The following GRK4 variants were observed in gnomAD, a reference collection of about 807,000 sequenced individuals.
The protein encoded by GRK4 is G protein-coupled receptor kinase 2-like.
A neutral mutation model predicts 77.9 loss-of-function variants in GRK4; 73 were observed. That is an observed-to-expected ratio of 0.94 (90% CI 0.78 to 1.14). The LOEUF is 1.14. Among genes scored for constraint, GRK4 ranks in the 50% most tolerant of loss-of-function variants. GRK4 has a pLI of 0.00. For missense variants in GRK4, 729 were observed against 700.2 expected, an observed-to-expected ratio of 1.04 and a Z score of -0.46; for synonymous variants, 257 against 254.4, an observed-to-expected ratio of 1.01 and a Z score of -0.10.
At chr4:3,016,751 C>A (rs79931086) in intron 8 of GRK4, among the ~76,000 whole-genome samples, 2,942 of 151,784 alleles carry the variant, frequency 0.019, 97 homozygotes, top group African/African-American at 0.067. Context: ...ACAAAAAAAA[C>A]CCCCGTGTAA....
At chr4:3,023,475 TG>T (rs973743311) in intron 10 of GRK4, among the ~76,000 whole-genome samples, 199 of 152,316 alleles carry the variant, frequency 1.3e-3, no homozygotes, top group African/African-American at 4.7e-3. Flanking sequence ...AGGGCAGTCG[TG>T]GGGGACTTGG....
At chr4:3,013,983 G>T (rs1455678120) in intron 8 of GRK4, among the ~76,000 whole-genome samples, 155 bp downstream of exon 8, 1 of 152,108 alleles carries the variant, frequency 6.6e-6, no homozygotes, top group Non-Finnish European at 1.5e-5. Context: ...TAACAGTTTT[G>T]TTTTTAGTAA....
chr4:2,999,307 C>T (rs10001308), intron 4 of GRK4, among the ~76,000 whole-genome samples: 2,175 of 152,124 alleles, frequency 0.014, 62 homozygotes, highest in African/African-American at 0.05. Flanking sequence ...GCCGCAATGC[C>T]GCAACAATAA....
chr4:3,028,600 G>A (rs762903862), intron 11 of GRK4, among the ~76,000 whole-genome samples: 56 of 152,352 alleles, frequency 3.7e-4, no homozygotes, highest in Admixed American at 1.1e-3. Context: ...CCTTGTGAAT[G>A]TGACTCTGTG....
chr4:2,963,997 C>G lies in GRK4; in HGVS notation c.-74C>G. On this transcript the variant is annotated 5_prime_UTR_variant, in exon 1 of 16. Coordinates refer to ENST00000398052, the MANE Select transcript of GRK4 (RefSeq NM_182982.3). ...CCCGGCGAGCTATGCACGGGGGCGG[C>G]GGCGTCTCCTCCTGTTCCGCCTCCT... 1 of 1,346,548 alleles carries G rather than the reference C, an allele frequency of 7.4e-7. No individual in the cohort carries two copies. The highest frequency in any genetic ancestry group is 1.0e-6 in the Non-Finnish European group (1 of 953,886). 83.4% of individuals were successfully genotyped at this position (1,346,548 alleles called of 1,614,324 possible).
At chr4:2,996,947 C>CGGTG (rs1560410938) in intron 4 of GRK4, among the ~76,000 whole-genome samples, 1 of 152,008 alleles carries the variant, frequency 6.6e-6, no homozygotes, top group East Asian at 1.9e-4. Context: ...AGGCTAGGTG[C>CGGTG]GGTGGCTCAT....
chr4:2,970,939 G>A (rs909011958), intron 1 of GRK4: 10 of 152,056 alleles, frequency 6.6e-5, no homozygotes, highest in African/African-American at 2.2e-4. Flanking sequence ...CAAAGTGCTG[G>A]GATTACAGGT....
chr4:3,015,101 G>A (rs1003797446), intron 8 of GRK4, among the ~76,000 whole-genome samples: 1 of 152,174 alleles, frequency 6.6e-6, no homozygotes, highest in African/African-American at 2.4e-5. Flanking sequence ...AGAACATTGG[G>A]CGGACTGGTA....
At position 2,988,750 on chromosome 4, in the gene GRK4, G is replaced by T. The variant is rs1272334386; in HGVS notation, c.172G>T (p.Asp58Tyr). Residue 58 changes from aspartate (D) to tyrosine (Y), a missense_variant, in exon 3 of 16, where the codon GAC (aspartate) becomes TAC (tyrosine). Physicochemically the swap from Asp to Tyr is radical, Grantham distance 160. Transcript: ENST00000398052. ...AGAAAAGGATTATAGCAGTCTTTGT[G>T]ACAAGCAACCGATAGGAAGACGTCT... ...SIEKDYSSLCDKQPIGRRLFR... is the reference protein window; with the variant it reads ...SIEKDYSSLCYKQPIGRRLFR... The T allele has an allele frequency of 1.2e-6, 2 of 1,611,138 alleles. No homozygotes were observed. The highest frequency in any genetic ancestry group is 2.2e-5 in the South Asian group (2 of 91,028).
rs561687907 is a variant in GRK4 at position 3,008,046 on chromosome 4, A to G, written c.536+218A>G. Among the ~76,000 whole-genome samples, 250 of 152,372 alleles carry G rather than the reference A, an allele frequency of 1.6e-3. 1 individual carries two copies. The highest frequency in any genetic ancestry group is 3.7e-3 in the South Asian group (18 of 4,830). Reference sequence around the variant, plus strand: ...ACAGAAAAAAAGAAAAGAGACCTCAATAAAAGAAGTGTTAACTTCTCACAA... The same window carrying G: ...ACAGAAAAAAAGAAAAGAGACCTCAGTAAAAGAAGTGTTAACTTCTCACAA... On this transcript the variant is annotated intron_variant, in intron 6 of 15. Coordinates refer to ENST00000398052, the MANE Select transcript of GRK4 (RefSeq NM_182982.3).
In GRK4 at chr4:3,037,388, C is replaced by T; in HGVS notation, c.1422C>T (p.Tyr474=). Residue 474 remains tyrosine (Y), a synonymous_variant, in exon 14 of 16, where the codon TAC becomes TAT. Coordinates refer to ENST00000398052, the MANE Select transcript of GRK4 (RefSeq NM_182982.3). ...TTGCTACACAGCCTCATGCCGTTTA[C>T]TGTAAGGACGTCCTGGATATCGAGC... ...PPFCPDPHAV[Y]CKDVLDIEQF... is the part of the protein sequence containing the mutation. 6.2e-7 allele frequency: 1 copy of T among 1,604,850 alleles called. No homozygotes were observed. Among genetic ancestry groups the T allele is most frequent in the Non-Finnish European group, 8.5e-7 (1 of 1,172,596 alleles).
chr4:2,968,367 G>T (rs559503424), intron 1 of GRK4, among the ~76,000 whole-genome samples: 1 of 152,240 alleles, frequency 6.6e-6, no homozygotes, highest in African/African-American at 2.4e-5. Flanking sequence ...CCTGCAGCAT[G>T]GTTAATATAC....
At chr4:2,974,078 G>A (rs565693713) in intron 1 of GRK4, among the ~76,000 whole-genome samples, 1 of 152,212 alleles carries the variant, frequency 6.6e-6, no homozygotes, top group Admixed American at 6.5e-5. Flanking sequence ...TCGGACTCCC[G>A]GGCTCAAGCG....
At chr4:3,035,231 C>T (rs574866588) in intron 12 of GRK4, among the ~76,000 whole-genome samples, 155 bp from the exon 13 acceptor site, 4 of 151,780 alleles carry the variant, frequency 2.6e-5, no homozygotes, top group South Asian at 2.1e-4. Context: ...GGTGACAGAA[C>T]GAGACTCCAT....
chr4:3,002,687 A>AAC (rs1445283865), intron 4 of GRK4, among the ~76,000 whole-genome samples: 2 of 152,032 alleles, frequency 1.3e-5, no homozygotes, highest in African/African-American at 4.8e-5. Context: ...TGGACCACAG[A>AAC]ACAAGACTCC....
At chr4:2,982,966 G>A (rs1321778458) in intron 1 of GRK4, among the ~76,000 whole-genome samples, 8 of 152,184 alleles carry the variant, frequency 5.3e-5, no homozygotes, top group Non-Finnish European at 1.5e-5. Context: ...GGATTTGAGG[G>A]GGAAGATTAT....
chr4:2,973,613 G>A (rs1720227608), intron 1 of GRK4, among the ~76,000 whole-genome samples: 1 of 152,090 alleles, frequency 6.6e-6, no homozygotes, highest in Non-Finnish European at 1.5e-5. Flanking sequence ...TCAATCCTTG[G>A]ACAGAGTGTT....
At chr4:2,973,786 A>G (rs1194396730) in intron 1 of GRK4, among the ~76,000 whole-genome samples, 2 of 152,092 alleles carry the variant, frequency 1.3e-5, no homozygotes, top group Admixed American at 6.5e-5. Flanking sequence ...TGGTCCTATT[A>G]AAATTTAAGC....
At chr4:2,989,781 G>A (rs116283171) in intron 3 of GRK4, among the ~76,000 whole-genome samples, 2,472 of 152,312 alleles carry the variant, frequency 0.016, 59 homozygotes, top group African/African-American at 0.057. Context: ...ACATTCTCAT[G>A]TATCCTGTTT....
Sources: gnomAD v4.1 joint callset for allele counts (sites outside exome capture counted in the v4.1 genomes callset) on GRCh38, gnomAD v4.1.1 for gene constraint, MANE v1.5 for transcripts, NCBI Gene and HGNC (gene_info 2026-07-23, HGNC 2026-07-21) for gene names.